IGSF10: variants seen among roughly 807,000 people sequenced by gnomAD.
IGSF10 encodes the protein calvaria mechanical force protein 608.
In IGSF10, 126 loss-of-function variants were observed where a neutral mutation model predicts 128.2. The observed-to-expected ratio is 0.98, with a 90% CI of 0.85 to 1.14. The LOEUF is 1.14. Among genes scored for constraint, IGSF10 ranks in the 50% most tolerant of loss-of-function variants. The pLI is 0.00. For missense variants in IGSF10, 3,295 were observed against 3,149.8 expected (o/e 1.05, Z -1.10); for synonymous variants, 1,185 against 1,146.2 (o/e 1.03, Z -0.68).
chr3:151,450,180 A>G (rs908646342), intron 5 of IGSF10, among the ~76,000 whole-genome samples: 1 of 152,200 alleles, frequency 6.6e-6, no homozygotes, highest in Non-Finnish European at 1.5e-5. Flanking sequence ...TGGATATCAC[A>G]TACCATTTAA....
At chr3:151,471,641 T>C in the IGSF10 span, among the ~76,000 whole-genome samples, 1 of 152,232 alleles carries the variant, frequency 6.6e-6, no homozygotes, top group African/African-American at 2.4e-5. Flanking sequence ...ATATAGAAAC[T>C]ATGAGGGTTT....
At chr3:151,553,498 A>T in the IGSF10 span, among the ~76,000 whole-genome samples, 1 of 152,132 alleles carries the variant, frequency 6.6e-6, no homozygotes, top group South Asian at 2.1e-4. Flanking sequence ...ATGTTAAAAC[A>T]TTAGAATGTG....
At chr3:151,586,203 G>A in the IGSF10 span, among the ~76,000 whole-genome samples, 5 of 152,004 alleles carry the variant, frequency 3.3e-5, no homozygotes, top group Non-Finnish European at 5.9e-5. Flanking sequence ...CAAGCGATCC[G>A]CCCACCTCAG....
chr3:151,456,838 G>T (rs931622735), intron 4 of IGSF10, among the ~76,000 whole-genome samples, 188 bp downstream of exon 4: 2 of 152,094 alleles, frequency 1.3e-5, no homozygotes, highest in Non-Finnish European at 2.9e-5. Flanking sequence ...TTGCCTCAGA[G>T]TTCTTATTAT....
At chr3:151,568,016 CCT>C in the IGSF10 span, among the ~76,000 whole-genome samples, 1 of 152,024 alleles carries the variant, frequency 6.6e-6, no homozygotes, top group Non-Finnish European at 1.5e-5. Context: ...TAAAACAAAG[CCT>C]CTCTCTCTGT....
At position 151,438,218 on chromosome 3, in the gene IGSF10, C is replaced by T. The variant is rs764102480; in HGVS notation, c.6343G>A (p.Gly2115Arg). ...TTCTGGGCATAGCAAGTATAATCTC[C>T]TTCCTCCGCTACCCCAACTTTGTTG... ...YFNKVGVAEE[G>R]DYTCYAQNTL... The change falls in exon 8 of 8, where the codon GGA becomes AGA. Residue 2115 changes from glycine to arginine, a missense_variant. Physicochemically the swap from Gly to Arg is moderately radical, Grantham distance 125 (BLOSUM62 -2). Coordinates refer to ENST00000282466, the MANE Select transcript of IGSF10 (RefSeq NM_178822.5). 2 of 1,614,128 alleles carry T rather than the reference C, an allele frequency of 1.2e-6. No individual in the cohort carries two copies. Among genetic ancestry groups the T allele is most frequent in the Admixed American group, 1.7e-5 (1 of 60,024 alleles).
chr3:151,599,997 TAATA>T, the IGSF10 span, among the ~76,000 whole-genome samples: 1 of 152,226 alleles, frequency 6.6e-6, no homozygotes, highest in Non-Finnish European at 1.5e-5. Flanking sequence ...TGCAGGAGTG[TAATA>T]AATGTGTTTT....
At chr3:151,584,042 T>C in the IGSF10 span, among the ~76,000 whole-genome samples, 1 of 152,180 alleles carries the variant, frequency 6.6e-6, no homozygotes, top group East Asian at 1.9e-4. Flanking sequence ...TATCAAAGAG[T>C]GTCATATTCT....
chr3:151,598,070 GGTGT>G, the IGSF10 span, among the ~76,000 whole-genome samples: 4,668 of 137,742 alleles, frequency 0.034, 167 homozygotes, highest in African/African-American at 0.093. Flanking sequence ...AATGAGTACT[GGTGT>G]GTGTGTGTGT....
chr3:151,449,653 AT>A (rs1283105656), intron 5 of IGSF10, among the ~76,000 whole-genome samples: 3 of 152,208 alleles, frequency 2.0e-5, no homozygotes, highest in African/African-American at 7.2e-5. Context: ...TCATTTTAAC[AT>A]TTTAAGATGG....
intron 6 of IGSF10, among the ~76,000 whole-genome samples, chr3:151,444,325 T>C (rs1210986893): frequency 1.3e-5 from 2 of 152,214 alleles, no homozygotes; most frequent in Admixed American, 6.5e-5. Flanking sequence ...TTTATTTTTA[T>C]TGAGAGAGTT....
chr3:151,558,362 T>C, the IGSF10 span, among the ~76,000 whole-genome samples: 5 of 152,006 alleles, frequency 3.3e-5, no homozygotes, highest in Non-Finnish European at 7.4e-5. Flanking sequence ...GGCTTTACTA[T>C]CACAGAAATT....
chr3:151,448,689 T>C lies in IGSF10; in HGVS notation c.1292A>G (p.Gln431Arg). Residue 431 changes from glutamine to arginine, a missense_variant, in exon 6 of 8, where the codon CAA (glutamine) becomes CGA (arginine). Transcript: ENST00000282466. The stretch of plus-strand genomic sequence containing the variant: ...GTTCAGCTGCAAGGAAATTTGGTCT[T>C]GCATTAACCAAGAGGGATCTGCTCT... Reference protein sequence around the residue: ...DLRADPSWLMQDQISLQLNRT... With the variant: ...DLRADPSWLMRDQISLQLNRT... The C allele has an allele frequency of 6.2e-7, 1 of 1,614,168 alleles. No homozygotes were observed.
At chr3:151,494,967 A>C in the IGSF10 span, among the ~76,000 whole-genome samples, 1 of 152,232 alleles carries the variant, frequency 6.6e-6, no homozygotes, top group Non-Finnish European at 1.5e-5. Context: ...GGGCTTTTTG[A>C]AAAGCATAGA....
Position 151,445,011 on chromosome 3 carries a change from C to G in IGSF10, c.4970G>C (p.Ser1657Thr), listed in dbSNP as rs769013642. The G allele has an allele frequency of 1.2e-6, 2 of 1,614,118 alleles. No homozygotes were observed. The highest frequency in any genetic ancestry group is 1.7e-5 in the Admixed American group (1 of 60,026). ...ATCTGAGTTAGCTGGAATAGTAAAA[C>G]TTGCAGCTTTTCCTCCAACTATCCT... ...KPRIVGGKAA[S>T]FTIPANSDAF... is the part of the protein sequence containing the mutation. The change falls in exon 6 of 8, where the codon AGT becomes ACT. Residue 1657 changes from serine to threonine, a missense_variant. Ser to Thr is a moderately conservative substitution (Grantham distance 58). Coordinates refer to ENST00000282466, the MANE Select transcript of IGSF10 (RefSeq NM_178822.5).
chr3:151,590,096 T>A, the IGSF10 span, among the ~76,000 whole-genome samples: 1 of 152,152 alleles, frequency 6.6e-6, no homozygotes, highest in Non-Finnish European at 1.5e-5. Context: ...TGGAGTGCAG[T>A]GGTGCAGTCA....
chr3:151,617,276 T>C, the IGSF10 span, among the ~76,000 whole-genome samples: 1 of 103,950 alleles, frequency 9.6e-6, no homozygotes, highest in African/African-American at 4.2e-5. Context: ...TTCTTCTTCT[T>C]CTTCTTCTTC....
the IGSF10 span, among the ~76,000 whole-genome samples, chr3:151,558,509 C>G: frequency 8.7e-6 from 1 of 114,928 alleles, no homozygotes; most frequent in Admixed American, 9.9e-5. Context: ...GAAGTATGCC[C>G]CATGAATACA....
chr3:151,487,344 C>T, the IGSF10 span, among the ~76,000 whole-genome samples: 27 of 152,144 alleles, frequency 1.8e-4, no homozygotes, highest in African/African-American at 6.0e-4. Context: ...AATTAATAGC[C>T]TACCAACCAA....
Sources: gnomAD v4.1 joint callset for allele counts (sites outside exome capture counted in the v4.1 genomes callset) on GRCh38, gnomAD v4.1.1 for gene constraint, MANE v1.5 for transcripts, NCBI Gene and HGNC (gene_info 2026-07-23, HGNC 2026-07-21) for gene names.